HIPK4: variants seen among roughly 807,000 people sequenced by gnomAD.
HIPK4 encodes the protein homeodomain-interacting protein kinase 4.
In HIPK4, 26 loss-of-function variants were observed where a neutral mutation model predicts 44.8. The observed-to-expected ratio is 0.58, with a 90% CI of 0.43 to 0.80. HIPK4 has a LOEUF of 0.80. Ranked by LOEUF, HIPK4 falls within the 30% of genes least tolerant of loss-of-function variation. The pLI, the probability that HIPK4 is intolerant of heterozygous loss-of-function variation, is 0.00. For synonymous variants in HIPK4, 340 were observed against 355.5 expected, an observed-to-expected ratio of 0.96 and a Z score of 0.49; for missense variants, 729 against 862.6, an observed-to-expected ratio of 0.85 and a Z score of 1.94.
intron 2 of HIPK4, among the ~76,000 whole-genome samples, chr19:40,382,179 T>TGCCAACCCTGGGTTGGCATACC (rs2079340364): frequency 1.3e-5 from 2 of 152,098 alleles, no homozygotes; most frequent in Admixed American, 6.6e-5. Flanking sequence ...CATAGCTCAC[T>TGCCAACCCTGGGTTGGCATACC]GCAACTGCCA....
chr19:40,382,599 G>C (rs938197114), intron 2 of HIPK4, among the ~76,000 whole-genome samples: 1 of 151,890 alleles, frequency 6.6e-6, no homozygotes, highest in Non-Finnish European at 1.5e-5. Context: ...TCTCCCTGCA[G>C]TTTCTCCCCC....
chr19:40,379,871 G>A, intron 3 of HIPK4, 102 bp from the exon 4 acceptor site: 1 of 1,232,810 alleles, frequency 8.1e-7, no homozygotes, highest in South Asian at 1.4e-5. Flanking sequence ...ATGTGCTAGG[G>A]TCTTACCAGT....
chr19:40,379,770 CTG>C lies in HIPK4; in HGVS notation c.1669-3_1669-2del. 6.2e-7 allele frequency: 1 copy of C among 1,608,660 alleles called. No homozygotes were observed. Among genetic ancestry groups the C allele is most frequent in the Non-Finnish European group, 8.5e-7 (1 of 1,178,500 alleles). ...GGTCGAAGAGCTCAGGGTCTGGCCT[CTG>C]TGGGGGAAGAGAGAGGGGCATCAGC... is the stretch of plus-strand genomic sequence containing the variant. On this transcript the variant is annotated splice_acceptor_variant and splice_polypyrimidine_tract_variant and intron_variant, in intron 3 of 3. Transcript: ENST00000291823. LOFTEE classifies it high-confidence loss of function.
rs575280040 is a variant in HIPK4, at chr19:40,379,335, G to A, written c.*252C>T. 2.7e-4 allele frequency: 137 copies of A among 501,612 alleles called. 1 individual carries two copies. Among genetic ancestry groups the A allele is most frequent in the Middle Eastern group, 1.0e-3 (2 of 1,996 alleles). 31.1% of individuals were successfully genotyped at this position (501,612 alleles called of 1,614,324 possible). A position where few individuals can be genotyped will look rare whatever the true frequency, so the allele number is the denominator to read the frequency against. On this transcript the variant is annotated 3_prime_UTR_variant, in exon 4 of 4. Coordinates refer to ENST00000291823, the MANE Select transcript of HIPK4 (RefSeq NM_144685.5). ...GGCCAAGGGCGAGCGCAGGGCCAGC[G>A]GGGTGCAGCCCCCTTTCCTGCTGTC...
chr19:40,384,152 G>A lies in HIPK4; in HGVS notation c.466-13C>T. The A allele has an allele frequency of 6.4e-7, 1 of 1,557,452 alleles. No individual in the cohort carries two copies. Among genetic ancestry groups the A allele is most frequent in the Non-Finnish European group, 8.7e-7 (1 of 1,145,584 alleles). On this transcript the variant is annotated splice_polypyrimidine_tract_variant and intron_variant, in intron 1 of 3. Transcript: ENST00000291823. ...CGAAGTCAATCACCTGTCGGGGGTGGGGAAGAGGGCGAGTGGGCAGGTCAA... is the reference window on the plus strand; with the variant it reads ...CGAAGTCAATCACCTGTCGGGGGTGAGGAAGAGGGCGAGTGGGCAGGTCAA...
At chr19:40,387,494 T>G (rs1440309842) in intron 1 of HIPK4, among the ~76,000 whole-genome samples, 1 of 152,120 alleles carries the variant, frequency 6.6e-6, no homozygotes, top group Non-Finnish European at 1.5e-5. Context: ...CTTTTTCTTT[T>G]TCAGGTGGCT....
chr19:40,379,606 T>C lies in HIPK4; in HGVS notation c.1832A>G (p.His611Arg), dbSNP rs2079318965. ...TCACCATCAGTGGTGCCCGGTGACA[T>C]GCTGGAGGAAGCTGGTGGCCCCCCG... ...PPRGATSFLQHVTGHH is the reference protein window; with the variant it reads ...PPRGATSFLQRVTGHH The change falls in exon 4 of 4, where the codon CAT becomes CGT. Residue 611 changes from histidine to arginine, a missense_variant. By Grantham distance (29) the His-to-Arg change is conservative. Coordinates refer to ENST00000291823, the MANE Select transcript of HIPK4 (RefSeq NM_144685.5). 1 of 1,539,800 alleles carries C rather than the reference T, an allele frequency of 6.5e-7. No individual in the cohort carries two copies. Among genetic ancestry groups the C allele is most frequent in the East Asian group, 2.5e-5 (1 of 39,978 alleles).
intron 1 of HIPK4, 147 bp from the exon 2 acceptor site, chr19:40,384,286 T>C: frequency 1.5e-6 from 1 of 660,344 alleles, no homozygotes; most frequent in Non-Finnish European, 2.6e-6. Context: ...TTAGTTGCTT[T>C]GTTGGTTTTT....
chr19:40,383,453 T>C (rs1294001959), intron 2 of HIPK4, among the ~76,000 whole-genome samples: 1 of 152,160 alleles, frequency 6.6e-6, no homozygotes, highest in Non-Finnish European at 1.5e-5. Context: ...AGTCTTGCTC[T>C]GTCACCCAGG....
chr19:40,380,556 T>C lies in HIPK4; in HGVS notation c.1435A>G (p.Ser479Gly). Residue 479 changes from serine to glycine, a missense_variant, in exon 3 of 4, where the codon AGC (serine) becomes GGC (glycine). Ser to Gly is a moderately conservative substitution (Grantham distance 56). This residue lies in a region of HIPK4 where 533 missense variants were observed against 567.5 expected (regional missense o/e 0.94). Transcript: ENST00000291823. The surrounding 1 kb of genome is among the most constrained non-coding windows in gnomAD (Gnocchi z 4.2). ...TTGTGGCGGCCTGCCAGGCGGCTGC[T>C]GTAGAAGGCCAGGATGGGCTCAGGG... ...SGPEPILAFY[S>G]SRLAGRHKAR... 6.2e-7 allele frequency: 1 copy of C among 1,612,064 alleles called. No homozygotes were observed. Among genetic ancestry groups the C allele is most frequent in the Non-Finnish European group, 8.5e-7 (1 of 1,179,590 alleles).
chr19:40,381,682 A>C (rs1015027839), intron 2 of HIPK4, among the ~76,000 whole-genome samples: 2 of 151,562 alleles, frequency 1.3e-5, no homozygotes, highest in African/African-American at 4.8e-5. Context: ...TCTGCTGTCT[A>C]ACCCAGGCTC....
At position 40,381,152 on chromosome 19, in the gene HIPK4, C is replaced by A; in HGVS notation, c.839G>T (p.Arg280Leu). Residue 280 changes from arginine (R) to leucine (L), a missense_variant, in exon 3 of 4, where the codon CGC (arginine) becomes CTC (leucine). Arg to Leu is a moderately radical substitution (Grantham distance 102). Around this residue, in one of 2 missense-constraint regions of HIPK4, gnomAD observed 533 missense variants for 567.5 expected, o/e 0.94. Transcript: ENST00000291823. ...CAACGACTTGAGCATATACTTGCGG[C>A]GCTCCAATGGGCGCACCTGGCGGGG... ...LAETKVRPLE[R>L]RKYMLKSLDQ... 6.3e-7 allele frequency: 1 copy of A among 1,597,910 alleles called. No homozygotes were observed. The highest frequency in any genetic ancestry group is 8.5e-7 in the Non-Finnish European group (1 of 1,176,448).
rs777182883 is a variant in HIPK4 at position 40,389,261 on chromosome 19, T to C, written c.465+177A>G. Among the ~76,000 whole-genome samples, 46 of 151,342 alleles carry C rather than the reference T, an allele frequency of 3.0e-4. No individual in the cohort carries two copies. Among genetic ancestry groups the C allele is most frequent in the South Asian group, 1.3e-3 (6 of 4,782 alleles). On this transcript the variant is annotated intron_variant, in intron 1 of 3. Transcript: ENST00000291823. The surrounding 1 kb of genome is among the most constrained non-coding windows in gnomAD (Gnocchi z 4.6). ...AATCACTTGAACCCAGGAGGCGGAG[T>C]TGCAGTGAGCTGAGATTGTGCCACT...
chr19:40,389,451 G>A lies in HIPK4; in HGVS notation c.452C>T (p.Pro151Leu), dbSNP rs1348494874. ...ACCCCTACTCACCTTGACCCTGAAGGGGCAGCGGGTCTGGTCCACCAGCAT... is the reference window on the plus strand; with the variant it reads ...ACCCCTACTCACCTTGACCCTGAAGAGGCAGCGGGTCTGGTCCACCAGCAT... ...NIMLVDQTRC[P>L]FRVKVIDFGS... is the part of the protein sequence containing the mutation. Residue 151 changes from proline (P) to leucine (L), a missense_variant, in exon 1 of 4, where the codon CCC becomes CTC. By Grantham distance (98) the Pro-to-Leu change is moderately conservative. Coordinates refer to ENST00000291823, the MANE Select transcript of HIPK4 (RefSeq NM_144685.5). The surrounding 1 kb of genome is among the most constrained non-coding windows in gnomAD (Gnocchi z 4.6). 2.5e-6 allele frequency: 4 copies of A among 1,581,358 alleles called. No individual in the cohort carries two copies. The highest frequency in any genetic ancestry group is 2.6e-6 in the Non-Finnish European group (3 of 1,160,116).
At position 40,390,165 on chromosome 19, in the gene HIPK4, T is replaced by G; in HGVS notation, c.-263A>C. The stretch of plus-strand genomic sequence containing the variant: ...GGGGCCCCAGGCCCCACCGAATGGG[T>G]TCCAGCGCTGTTGAGTGGCTCTGGT... On this transcript the variant is annotated 5_prime_UTR_variant, in exon 1 of 4. Transcript: ENST00000291823. The G allele has an allele frequency of 2.0e-6, 1 of 502,316 alleles. No individual in the cohort carries two copies. The highest frequency in any genetic ancestry group is 3.6e-6 in the Non-Finnish European group (1 of 276,164). The allele number at this position is 502,316 out of a possible 1,614,324, so 31.1% of individuals were successfully genotyped here.
chr19:40,384,801 G>A lies in HIPK4; in HGVS notation c.466-662C>T, dbSNP rs572830547. Among the ~76,000 whole-genome samples, 153 of 151,568 alleles carry A rather than the reference G, an allele frequency of 1.0e-3. 1 individual carries two copies. The highest frequency in any genetic ancestry group is 3.6e-3 in the African/African-American group (147 of 41,290). On this transcript the variant is annotated intron_variant, in intron 1 of 3. Coordinates refer to ENST00000291823, the MANE Select transcript of HIPK4 (RefSeq NM_144685.5). ...TAATTTTTGTATTTTTAGTAGAGACGGGGTTTCACCCTGTTGGCCAGGCTG... is the reference window on the plus strand; with the variant it reads ...TAATTTTTGTATTTTTAGTAGAGACAGGGTTTCACCCTGTTGGCCAGGCTG...
At chr19:40,384,195 G>T in intron 1 of HIPK4, 56 bp from the exon 2 acceptor site, 1 of 1,393,022 alleles carries the variant, frequency 7.2e-7, no homozygotes, top group Non-Finnish European at 9.8e-7. Context: ...GGACAGCCGA[G>T]CTGGGCCACC....
chr19:40,381,864 G>A (rs1049263587), intron 2 of HIPK4, among the ~76,000 whole-genome samples: 1 of 143,628 alleles, frequency 7.0e-6, no homozygotes, highest in African/African-American at 2.6e-5. Flanking sequence ...GGAGTGCAGT[G>A]GTACAATCTC....
In HIPK4 at chr19:40,379,294, T is replaced by C. The variant is rs1036350051; in HGVS notation, c.*293A>G. 1.2e-5 allele frequency: 5 copies of C among 402,972 alleles called. No homozygotes were observed. Among genetic ancestry groups the C allele is most frequent in the Admixed American group, 4.5e-5 (1 of 22,092 alleles). The allele number at this position is 402,972 out of a possible 1,614,324, so 25.0% of individuals were successfully genotyped here. On this transcript the variant is annotated 3_prime_UTR_variant, in exon 4 of 4. Transcript: ENST00000291823. Reference sequence around the variant, plus strand: ...ACTGCTGAACAGTTCTATATTGAAATAGACAGAGGCAGCAGGGCCAAGGGC... The same window carrying C: ...ACTGCTGAACAGTTCTATATTGAAACAGACAGAGGCAGCAGGGCCAAGGGC...
Sources: allele counts gnomAD v4.1 joint callset (sites outside exome capture counted in the v4.1 genomes callset), GRCh38; gene constraint gnomAD v4.1.1; regional missense constraint gnomAD v4.1.1; non-coding constraint Gnocchi (gnomAD v3.1); transcripts MANE v1.5; gene names NCBI Gene and HGNC (gene_info 2026-07-23, HGNC 2026-07-21).